Variants in TLE3 observed in about 807,000 individuals in gnomAD.
TLE3 encodes the protein transducin-like enhancer protein 3.
A neutral mutation model predicts 93.0 loss-of-function variants in TLE3; 14 were observed. The ratio of observed to expected loss-of-function variants is 0.15; its 90% CI spans 0.10 to 0.24. The LOEUF (loss-of-function observed/expected upper bound fraction) is 0.24. Among genes scored for constraint, TLE3 ranks in the 10% least tolerant of loss-of-function variants. TLE3 has a pLI of 1.00. For synonymous variants in TLE3, 451 were observed against 425.0 expected (o/e 1.06, Z -0.75); for missense variants, 693 against 1,046.6 (o/e 0.66, Z 4.66).
intron 8 of TLE3, among the ~76,000 whole-genome samples, chr15:70,062,934 AG>A (rs1309612172): frequency 1.3e-5 from 2 of 152,150 alleles, no homozygotes; most frequent in East Asian, 1.9e-4. Flanking sequence ...GGGGGTTCCC[AG>A]GGGGGGTCTT....
Position 70,049,876 on chromosome 15 carries a change from A to G in TLE3, c.*221T>C, listed in dbSNP as rs1209607967. The G allele has an allele frequency of 8.1e-6, 4 of 492,954 alleles. No individual in the cohort carries two copies. Among genetic ancestry groups the G allele is most frequent in the Non-Finnish European group, 1.5e-5 (4 of 271,888 alleles). 30.5% of individuals were successfully genotyped at this position (492,954 alleles called of 1,614,324 possible). ...GCCAGCATTGTTCAGGGGGAGGAGG[A>G]GGAGCAGAACCCTTCCGAGTCTGTG... is the stretch of plus-strand genomic sequence containing the variant. On this transcript the variant is annotated 3_prime_UTR_variant, in exon 20 of 20. Coordinates refer to ENST00000451782, the MANE Select transcript of TLE3 (RefSeq NM_001105192.3).
Position 70,058,767 on chromosome 15 carries a change from C to T in TLE3, c.814G>A (p.Gly272Arg). Residue 272 changes from glycine to arginine, a missense_variant, in exon 11 of 20, where the codon GGG becomes AGG. Around this residue, in one of 4 missense-constraint regions of TLE3, gnomAD observed 405 missense variants for 468.9 expected, o/e 0.86. Transcript: ENST00000451782. The surrounding 1 kb of genome is among the most constrained non-coding windows in gnomAD (Gnocchi z 4.1). ...TTCAGGCTACGGGCCTTGTCCAGCCCATTTTCAGGAGGGGAGTGTGCCGGG... is the reference window on the plus strand; with the variant it reads ...TTCAGGCTACGGGCCTTGTCCAGCCTATTTTCAGGAGGGGAGTGTGCCGGG... ...VSPAHSPPENGLDKARSLKKD... is the reference protein window; with the variant it reads ...VSPAHSPPENRLDKARSLKKD... 1 of 1,609,582 alleles carries T rather than the reference C, an allele frequency of 6.2e-7. No individual in the cohort carries two copies. The highest frequency in any genetic ancestry group is 8.5e-7 in the Non-Finnish European group (1 of 1,178,076).
chr15:70,091,704 G>GT (rs1245946163), intron 4 of TLE3, among the ~76,000 whole-genome samples: 2 of 152,230 alleles, frequency 1.3e-5, no homozygotes, highest in Admixed American at 6.5e-5. Flanking sequence ...GCCAGCCACA[G>GT]TGAGTTTAAC....
Position 70,059,485 on chromosome 15 carries a change from G to A in TLE3, c.715-25C>T, listed in dbSNP as rs746969278. 5.1e-5 allele frequency: 81 copies of A among 1,598,090 alleles called. No individual in the cohort carries two copies. In the South Asian group the frequency reaches 9.1e-4, roughly 18 times the overall value. On this transcript the variant is annotated intron_variant, in intron 9 of 19. Transcript: ENST00000451782. The stretch of plus-strand genomic sequence containing the variant: ...CCTGCAACCAAGAGAGAAGCCAACT[G>A]GTCAGTAAGAGGCCACACTTTCCCC...
chr15:70,079,250 A>G, intron 4 of TLE3: 1 of 391,170 alleles, frequency 2.6e-6, no homozygotes, highest in Non-Finnish European at 5.1e-6. Flanking sequence ...AACCTTCCAC[A>G]AGCCTGGGGT....
rs1237592605 is a variant in TLE3, at chr15:70,053,330, G to T, written c.1871C>A (p.Ser624Tyr). The part of the protein sequence containing the change: ...HTDGASCIDI[S>Y]HDGTKLWTGG... ...TGTCCACAGTTTGGTGCCATCATGG[G>T]AGATGTCTATGCAGCTGGCCCCATC... The change falls in exon 17 of 20, where the codon TCC becomes TAC. Residue 624 changes from serine (S) to tyrosine (Y), a missense_variant. Transcript: ENST00000451782. The T allele has an allele frequency of 6.2e-7, 1 of 1,609,390 alleles. No individual in the cohort carries two copies. The highest frequency in any genetic ancestry group is 2.2e-5 in the East Asian group (1 of 44,752).
chr15:70,065,230 G>T (rs928928811), intron 7 of TLE3, among the ~76,000 whole-genome samples: 1 of 152,244 alleles, frequency 6.6e-6, no homozygotes, highest in Non-Finnish European at 1.5e-5. Context: ...AGTAAATACC[G>T]TATCTAAGGG....
At chr15:70,089,455 G>C (rs1422166265) in intron 4 of TLE3, among the ~76,000 whole-genome samples, 1 of 152,150 alleles carries the variant, frequency 6.6e-6, no homozygotes, top group African/African-American at 2.4e-5. Context: ...TGAAGAAACT[G>C]GATGCTGGGC....
At position 70,058,553 on chromosome 15, in the gene TLE3, A is replaced by G. The variant is rs2056243668; in HGVS notation, c.918+110T>C. Reference sequence around the variant, plus strand: ...AGGCACAGAAGGTAAACCGGGGCCAATCACCCACCCAGCTTCTCCCACTCC... The same window carrying G: ...AGGCACAGAAGGTAAACCGGGGCCAGTCACCCACCCAGCTTCTCCCACTCC... On this transcript the variant is annotated intron_variant, in intron 11 of 19. Transcript: ENST00000451782. This position sits in a 1 kb window ranked among gnomAD's most constrained non-coding sequence, Gnocchi z 4.1. 47 of 1,440,982 alleles carry G rather than the reference A, an allele frequency of 3.3e-5. No individual in the cohort carries two copies. The South Asian group carries it at 6.0e-4, about 18-fold the overall frequency. The allele number at this position is 1,440,982 out of a possible 1,614,324, so 89.3% of individuals were successfully genotyped here.
intron 19 of TLE3, chr15:70,050,858 G>GT (rs2055464345): frequency 6.4e-6 from 1 of 156,124 alleles, no homozygotes; most frequent in African/African-American, 2.4e-5. Context: ...GAGTGCACGT[G>GT]TGTGTGTGCA....
chr15:70,084,667 A>C (rs1156268386), intron 4 of TLE3, among the ~76,000 whole-genome samples: 1 of 152,216 alleles, frequency 6.6e-6, no homozygotes, highest in African/African-American at 2.4e-5. Context: ...GCTGTGCAAC[A>C]ATGAGCAAGT....
At position 70,058,350 on chromosome 15, in the gene TLE3, G is replaced by A. The variant is rs187906703; in HGVS notation, c.919-59C>T. ...TGAGGCTTCCATTCTCCTAGGAGCC[G>A]GGCACAACTGGTGCCGGTCCCAACG... On this transcript the variant is annotated intron_variant, in intron 11 of 19. Coordinates refer to ENST00000451782, the MANE Select transcript of TLE3 (RefSeq NM_001105192.3). This position sits in a 1 kb window ranked among gnomAD's most constrained non-coding sequence, Gnocchi z 4.1. 50 of 1,538,612 alleles carry A rather than the reference G, an allele frequency of 3.2e-5. No homozygotes were observed. Among genetic ancestry groups the A allele is most frequent in the African/African-American group, 1.9e-4 (14 of 72,642 alleles).
At chr15:70,074,412 G>T in intron 6 of TLE3, 121 bp downstream of exon 6, 2 of 1,276,982 alleles carry the variant, frequency 1.6e-6, no homozygotes. Flanking sequence ...GTAGAAGCCG[G>T]AGCCCTGGGG....
At chr15:70,050,304 C>T in intron 19 of TLE3, 100 bp from the exon 20 acceptor site, 1 of 924,528 alleles carries the variant, frequency 1.1e-6, no homozygotes, top group East Asian at 2.4e-5. Flanking sequence ...TCTCGGTTCT[C>T]TCGGCAACAA....
At position 70,097,815 on chromosome 15, in the gene TLE3, CCA is replaced by C. The variant is rs1555430305; in HGVS notation, c.-1019_-1018del. 8.2e-3 allele frequency: 1,487 copies of C among 181,344 alleles called. No individual in the cohort carries two copies. The highest frequency in any genetic ancestry group is 9.5e-3 in the Non-Finnish European group (1,045 of 110,546). The allele number at this position is 181,344 out of a possible 1,614,324, so 11.2% of individuals were successfully genotyped here. ...ACGCGCGCACGCACACACACACACACCAAAAAAAAAAGTGCCCCGGACCTACG... is the reference window on the plus strand; with the variant it reads ...ACGCGCGCACGCACACACACACACACAAAAAAAAAGTGCCCCGGACCTACG... On this transcript the variant is annotated 5_prime_UTR_variant, in exon 1 of 20. Coordinates refer to ENST00000451782, the MANE Select transcript of TLE3 (RefSeq NM_001105192.3).
At chr15:70,083,412 G>A (rs1212164167) in intron 4 of TLE3, among the ~76,000 whole-genome samples, 1 of 152,126 alleles carries the variant, frequency 6.6e-6, no homozygotes, top group Non-Finnish European at 1.5e-5. Flanking sequence ...TACTTGTGGG[G>A]GGAGATGGCT....
rs1188664081 is a variant in TLE3 at position 70,048,940 on chromosome 15, G to A, written c.*1157C>T. 6.6e-6 allele frequency: 1 copy of A among 151,952 alleles called. No individual in the cohort carries two copies. Among genetic ancestry groups the A allele is most frequent in the Non-Finnish European group, 1.5e-5 (1 of 67,988 alleles). The allele number at this position is 151,952 out of a possible 1,614,324, so 9.4% of individuals were successfully genotyped here. ...TCTAAGGGGAGAGGAAGAGACTGTA[G>A]GCGGGAAGGGGGAGAAGGCATTTTA... On this transcript the variant is annotated 3_prime_UTR_variant, in exon 20 of 20. Coordinates refer to ENST00000451782, the MANE Select transcript of TLE3 (RefSeq NM_001105192.3).
At chr15:70,065,867 T>G (rs571999304) in intron 7 of TLE3, 147 bp downstream of exon 7, 1 of 855,996 alleles carries the variant, frequency 1.2e-6, no homozygotes, top group African/African-American at 1.7e-5. Context: ...TTGGCTTCCC[T>G]GCACCAGGTA....
chr15:70,056,378 TA>T lies in TLE3; in HGVS notation c.1252-5del, dbSNP rs1259307561. The stretch of plus-strand genomic sequence containing the variant: ...GGGGGTGAGGGTCAAAACCAACCTG[TA>T]AAGCAAGGCAAGACAGCCCTCCATC... On this transcript the variant is annotated splice_region_variant and splice_polypyrimidine_tract_variant and intron_variant, in intron 13 of 19. Coordinates refer to ENST00000451782, the MANE Select transcript of TLE3 (RefSeq NM_001105192.3). The T allele has an allele frequency of 6.2e-7, 1 of 1,612,288 alleles. No homozygotes were observed. Among genetic ancestry groups the T allele is most frequent in the African/African-American group, 1.3e-5 (1 of 74,974 alleles).
Sources: allele counts gnomAD v4.1 joint callset (sites outside exome capture counted in the v4.1 genomes callset), GRCh38; gene constraint gnomAD v4.1.1; regional missense constraint gnomAD v4.1.1; non-coding constraint Gnocchi (gnomAD v3.1); transcripts MANE v1.5; gene names NCBI Gene and HGNC (gene_info 2026-07-23, HGNC 2026-07-21).